Variants in GABRR1 observed in about 807,000 individuals in gnomAD.
GABRR1 encodes gamma-aminobutyric acid type A receptor subunit rho1.
GABRR1 carries 59 observed loss-of-function variants against 55.5 expected under a neutral mutation model. That is an observed-to-expected ratio of 1.06 (90% CI 0.86 to 1.32). The LOEUF (loss-of-function observed/expected upper bound fraction) is 1.32. GABRR1 is among the 40% of genes most tolerant of loss of function. GABRR1 has a pLI of 0.00. For synonymous variants in GABRR1, 213 were observed against 226.0 expected, an observed-to-expected ratio of 0.94 and a Z score of 0.51; for missense variants, 602 against 619.1, an observed-to-expected ratio of 0.97 and a Z score of 0.29.
intron 2 of GABRR1, among the ~76,000 whole-genome samples, chr6:89,202,279 G>A (rs1054923412): frequency 1.3e-5 from 2 of 151,098 alleles, no homozygotes; most frequent in Admixed American, 6.6e-5. Context: ...CAGGTGTTTC[G>A]TTTTTTTGTT....
chr6:89,196,885 A>AAAAGG lies in GABRR1; in HGVS notation c.572+1134_572+1135insCCTTT, dbSNP rs1562296995. 3.3e-5 allele frequency among the ~76,000 whole-genome samples: 5 copies of AAAAGG among 149,970 alleles called. No homozygotes were observed. The South Asian group carries it at 1.1e-3, about 32-fold the overall frequency. ...AAAGAAAGAAAGAAAGAAAGAGAAG[A>AAAAGG]GAAGAAAAAAGAAAAGAAAATAAAA... On this transcript the variant is annotated intron_variant, in intron 5 of 9. Transcript: ENST00000454853.
At position 89,203,597 on chromosome 6, in the gene GABRR1, A is replaced by AAAG. The variant is rs1160855917; in HGVS notation, c.123-115_123-113dup. The AAAG allele has an allele frequency of 1.7e-5, 14 of 803,402 alleles. No individual in the cohort carries two copies. The South Asian group carries it at 2.1e-4, about 12-fold the overall frequency. The allele number at this position is 803,402 out of a possible 1,614,324, so 49.8% of individuals were successfully genotyped here. A position where few individuals can be genotyped will look rare whatever the true frequency, so the allele number is the denominator to read the frequency against. On this transcript the variant is annotated intron_variant, in intron 1 of 9. Transcript: ENST00000454853. Reference sequence around the variant, plus strand: ...TCAAATCTATCCAGAATAAAATGTAAAAGAAGAAGAAAAAACTACGAAGAT... The same window carrying AAAG: ...TCAAATCTATCCAGAATAAAATGTAAAAGAAGAAGAAGAAAAAACTACGAAGAT...
intron 5 of GABRR1, among the ~76,000 whole-genome samples, chr6:89,197,118 T>C (rs1772320128): frequency 6.6e-6 from 1 of 152,210 alleles, no homozygotes; most frequent in Non-Finnish European, 1.5e-5. Context: ...ATCATAAATA[T>C]TCCTTTGGGG....
chr6:89,222,931 A>T (rs912244877), intron 1 of GABRR1, among the ~76,000 whole-genome samples: 13 of 152,148 alleles, frequency 8.5e-5, no homozygotes, highest in African/African-American at 3.1e-4. Flanking sequence ...AGACCGTTAA[A>T]CTATGACGTT....
rs1190852567 is a variant in GABRR1, at chr6:89,217,233, T to C, written c.90A>G (p.Gly30=). 1 of 1,614,086 alleles carries C rather than the reference T, an allele frequency of 6.2e-7. No homozygotes were observed. Among genetic ancestry groups the C allele is most frequent in the Admixed American group, 1.7e-5 (1 of 60,018 alleles). The part of the protein sequence containing the change: ...LATESRMHWP[G]REVHEMSKKG... ...TCTTAGACATCTCGTGGACTTCTCT[T>C]CCGGGCCAGTGCATTCTGCTTTCAG... Residue 30 remains glycine (G), a synonymous_variant, in exon 1 of 10, where the codon GGA becomes GGG. Transcript: ENST00000454853.
At chr6:89,214,045 A>G (rs1772912014) in intron 1 of GABRR1, among the ~76,000 whole-genome samples, 1 of 151,896 alleles carries the variant, frequency 6.6e-6, no homozygotes. Context: ...ATCAGCAAAC[A>G]GCAACAATTT....
chr6:89,210,605 A>G (rs918999202), intron 1 of GABRR1, among the ~76,000 whole-genome samples: 18 of 152,126 alleles, frequency 1.2e-4, no homozygotes, highest in Non-Finnish European at 4.4e-5. Flanking sequence ...TTTGCTTACC[A>G]TTGCCTCCCA....
chr6:89,226,379 A>G (rs1181665381), intron 1 of GABRR1, among the ~76,000 whole-genome samples: 1 of 144,716 alleles, frequency 6.9e-6, no homozygotes, highest in Non-Finnish European at 1.5e-5. Flanking sequence ...GTTTTCTTCT[A>G]GGGTTTTTAT....
chr6:89,226,388 A>G (rs918354633), intron 1 of GABRR1, among the ~76,000 whole-genome samples: 256 of 145,468 alleles, frequency 1.8e-3, no homozygotes, highest in Non-Finnish European at 2.8e-3. Context: ...TAGGGTTTTT[A>G]TGGTTTTAGG....
At position 89,178,632 on chromosome 6, in the gene GABRR1, A is replaced by G; in HGVS notation, c.*138T>C. 1 of 689,580 alleles carries G rather than the reference A, an allele frequency of 1.5e-6. No individual in the cohort carries two copies. The highest frequency in any genetic ancestry group is 2.4e-6 in the Non-Finnish European group (1 of 415,608). 42.7% of individuals were successfully genotyped at this position (689,580 alleles called of 1,614,324 possible). On this transcript the variant is annotated 3_prime_UTR_variant, in exon 10 of 10. Coordinates refer to ENST00000454853, the MANE Select transcript of GABRR1 (RefSeq NM_002042.5). ...AAGTGTCTCGTCAATGTAGCTTTGG[A>G]AAGCTGCAGAAGGGATAGTGAAAAC... is the stretch of plus-strand genomic sequence containing the variant.
intron 5 of GABRR1, 102 bp from the exon 6 acceptor site, chr6:89,190,349 C>G (rs917754509): frequency 1.8e-5 from 13 of 703,642 alleles, no homozygotes; most frequent in Admixed American, 5.4e-5. Context: ...ATGATAGATG[C>G]CTCTTCTCAT....
At chr6:89,221,868 G>T (rs1411151178), upstream of GABRR1, among the ~76,000 whole-genome samples, 1 of 152,124 alleles carries the variant, frequency 6.6e-6, no homozygotes, top group Non-Finnish European at 1.5e-5. Flanking sequence ...TCACTGTATC[G>T]TCAAGCCTAC....
intron 9 of GABRR1, among the ~76,000 whole-genome samples, chr6:89,179,468 C>T (rs1771649316): frequency 1.3e-5 from 2 of 152,330 alleles, no homozygotes; most frequent in South Asian, 4.1e-4. Flanking sequence ...GATCCACCCG[C>T]CTCGGCCTCC....
chr6:89,223,710 C>CTT (rs200773450), intron 1 of GABRR1, among the ~76,000 whole-genome samples: 2 of 136,198 alleles, frequency 1.5e-5, no homozygotes. Flanking sequence ...ACACCAATAT[C>CTT]TTTTTTTTTT....
At chr6:89,207,679 C>G (rs902615128) in intron 1 of GABRR1, among the ~76,000 whole-genome samples, 1 of 152,186 alleles carries the variant, frequency 6.6e-6, no homozygotes, top group Non-Finnish European at 1.5e-5. Flanking sequence ...CCTGATTACA[C>G]ATTGGAATCA....
At chr6:89,205,593 A>G (rs377343110) in intron 1 of GABRR1, 6 of 152,402 alleles carry the variant, frequency 3.9e-5, no homozygotes, top group East Asian at 1.9e-4. Flanking sequence ...TAGTCTGTGC[A>G]TGGATGTTTT....
chr6:89,205,192 T>C (rs1015784282), intron 1 of GABRR1, among the ~76,000 whole-genome samples: 1 of 152,098 alleles, frequency 6.6e-6, no homozygotes, highest in African/African-American at 2.4e-5. Context: ...TTTAAATAAC[T>C]TGTAAAAGTG....
intron 1 of GABRR1, among the ~76,000 whole-genome samples, chr6:89,207,091 G>A (rs1772672715): frequency 6.6e-6 from 1 of 152,152 alleles, no homozygotes; most frequent in Admixed American, 6.5e-5. Context: ...CAAGAGACAT[G>A]GTAAAGACAA....
At chr6:89,219,982 G>C (rs904105044), upstream of GABRR1, among the ~76,000 whole-genome samples, 2 of 152,190 alleles carry the variant, frequency 1.3e-5, no homozygotes, top group African/African-American at 4.8e-5. Flanking sequence ...AATATGTGAT[G>C]TCTCCCGAGG....
Sources: allele counts gnomAD v4.1 joint callset (sites outside exome capture counted in the v4.1 genomes callset), GRCh38; gene constraint gnomAD v4.1.1; transcripts MANE v1.5; gene names NCBI Gene and HGNC (gene_info 2026-07-23, HGNC 2026-07-21).